THAP4: variants seen among roughly 807,000 people sequenced by gnomAD.
The protein encoded by THAP4 is THAP domain containing 4, also known as peroxynitrite isomerase THAP4.
THAP4 carries 18 observed loss-of-function variants against 48.1 expected under a neutral mutation model. The observed-to-expected ratio is 0.37, with a 90% CI of 0.26 to 0.56. The LOEUF is 0.56. THAP4 is among the 20% of genes least tolerant of loss of function. The pLI, the probability that THAP4 is intolerant of heterozygous loss-of-function variation, is 0.78. For synonymous variants in THAP4, 345 were observed against 324.9 expected, an observed-to-expected ratio of 1.06 and a Z score of -0.66; for missense variants, 656 against 774.9, an observed-to-expected ratio of 0.85 and a Z score of 1.82.
rs1294680947 is a variant in THAP4 at position 241,616,076 on chromosome 2, T to C, written c.1241-9603A>G. ...CAGTCAGGGGGCTGGCAAGGACAGG[T>C]GAGCACAGCTGGCTCCTCAGAAGAA... On this transcript the variant is annotated intron_variant, in intron 2 of 5. Transcript: ENST00000407315. The surrounding 1 kb of genome is among the most constrained non-coding windows in gnomAD (Gnocchi z 4.6). Among the ~76,000 whole-genome samples the C allele has an allele frequency of 1.3e-5, 2 of 152,146 alleles. No individual in the cohort carries two copies. Among genetic ancestry groups the C allele is most frequent in the Non-Finnish European group, 2.9e-5 (2 of 68,026 alleles).
chr2:241,623,943 C>T (rs1559232513), intron 2 of THAP4, among the ~76,000 whole-genome samples: 2 of 152,218 alleles, frequency 1.3e-5, no homozygotes, highest in Non-Finnish European at 2.9e-5. Flanking sequence ...TCCTGCACGT[C>T]AATTCAGTTC....
At chr2:241,635,705 G>A (rs1033477090) in intron 1 of THAP4, among the ~76,000 whole-genome samples, 5 of 152,060 alleles carry the variant, frequency 3.3e-5, no homozygotes, top group Admixed American at 2.6e-4. Context: ...AGGAGCGGGG[G>A]TTGCAGTGAG....
intron 2 of THAP4, among the ~76,000 whole-genome samples, chr2:241,619,645 G>A (rs2067386134): frequency 6.6e-6 from 1 of 152,264 alleles, no homozygotes; most frequent in Non-Finnish European, 1.5e-5. Context: ...AGCATGGGCA[G>A]TTGCTCTGGG....
chr2:241,588,076 AAAC>A (rs959388222), intron 5 of THAP4, among the ~76,000 whole-genome samples: 1 of 151,646 alleles, frequency 6.6e-6, no homozygotes, highest in African/African-American at 2.4e-5. Flanking sequence ...AAAAATAAAG[AAAC>A]AAACTACAGA....
chr2:241,598,971 C>A (rs1346009584), intron 5 of THAP4, among the ~76,000 whole-genome samples: 1 of 151,806 alleles, frequency 6.6e-6, no homozygotes, highest in African/African-American at 2.4e-5. Context: ...AAAGGCTATC[C>A]GGCTGGGCGC....
Position 241,601,593 on chromosome 2 carries a change from G to A in THAP4, c.1614+303C>T, listed in dbSNP as rs572536875. On this transcript the variant is annotated intron_variant, in intron 5 of 5. Coordinates refer to ENST00000407315, the MANE Select transcript of THAP4 (RefSeq NM_015963.6). This position sits in a 1 kb window ranked among gnomAD's most constrained non-coding sequence, Gnocchi z 4.0. ...TGTCCTTTGATCCAGCAATTTAACT[G>A]GGAAAAATTTATCAATAGATATGGA... 1.3e-5 allele frequency among the ~76,000 whole-genome samples: 2 copies of A among 152,150 alleles called. No individual in the cohort carries two copies. The highest frequency in any genetic ancestry group is 2.9e-5 in the Non-Finnish European group (2 of 68,014).
chr2:241,627,722 C>T (rs1210530786), intron 2 of THAP4, among the ~76,000 whole-genome samples: 1 of 152,216 alleles, frequency 6.6e-6, no homozygotes, highest in African/African-American at 2.4e-5. Flanking sequence ...AGTGCAGACC[C>T]CAGGGCCTGC....
At chr2:241,591,962 C>T (rs1375630258) in intron 5 of THAP4, 1 of 152,222 alleles carries the variant, frequency 6.6e-6, no homozygotes, top group Non-Finnish European at 1.5e-5. Context: ...ATTTGCAACA[C>T]ATTTAGCTAA....
chr2:241,588,033 AAGGG>A (rs567853797), intron 5 of THAP4, among the ~76,000 whole-genome samples: 95 of 140,048 alleles, frequency 6.8e-4, no homozygotes, highest in Middle Eastern at 3.5e-3. Context: ...GGAAGGAAGG[AAGGG>A]AGGGAGGGAG....
At chr2:241,585,280 G>A (rs546419755) in intron 5 of THAP4, among the ~76,000 whole-genome samples, 6 of 152,188 alleles carry the variant, frequency 3.9e-5, no homozygotes, top group South Asian at 4.2e-4. Context: ...GCTAAGTCCC[G>A]AATGAGTCAG....
chr2:241,586,330 GTAAGAGTTAACCAGAAACAGGC>G (rs1408492832), intron 5 of THAP4, among the ~76,000 whole-genome samples: 2 of 150,618 alleles, frequency 1.3e-5, no homozygotes, highest in African/African-American at 4.9e-5. Flanking sequence ...CATCCCAGGA[GTAAGAGTTAACCAGAAACAGGC>G]TGGGAAGTCC....
intron 2 of THAP4, among the ~76,000 whole-genome samples, chr2:241,618,421 G>A (rs1359551124): frequency 1.3e-5 from 2 of 152,132 alleles, no homozygotes; most frequent in East Asian, 3.8e-4. Context: ...TGATAAGATG[G>A]CCAATTACTA....
intron 5 of THAP4, among the ~76,000 whole-genome samples, chr2:241,594,012 A>G (rs1307491449): frequency 6.6e-6 from 1 of 152,230 alleles, no homozygotes; most frequent in East Asian, 1.9e-4. Context: ...GCCAAGATTC[A>G]GTAACGAACA....
intron 5 of THAP4, among the ~76,000 whole-genome samples, chr2:241,599,590 TA>T: frequency 6.6e-6 from 1 of 152,294 alleles, no homozygotes; most frequent in South Asian, 2.1e-4. Context: ...ATTAAAACTA[TA>T]AAGAAATAAA....
In THAP4 at chr2:241,637,051, C is replaced by T; in HGVS notation, c.-34G>A. 1 of 1,151,196 alleles carries T rather than the reference C, an allele frequency of 8.7e-7. No homozygotes were observed. Among genetic ancestry groups the T allele is most frequent in the South Asian group, 2.1e-5 (1 of 47,432 alleles). 71.3% of individuals were successfully genotyped at this position (1,151,196 alleles called of 1,614,324 possible). On this transcript the variant is annotated 5_prime_UTR_variant, in exon 1 of 6. Coordinates refer to ENST00000407315, the MANE Select transcript of THAP4 (RefSeq NM_015963.6). Reference sequence around the variant, plus strand: ...TTGGCCCAGCCGCGCAGCCAGGCCCCGGCCCTAGCCGCCCGCCCGCCCGCG... The same window carrying T: ...TTGGCCCAGCCGCGCAGCCAGGCCCTGGCCCTAGCCGCCCGCCCGCCCGCG...
Position 241,622,883 on chromosome 2 carries a change from G to A in THAP4, c.1240+10034C>T, listed in dbSNP as rs144008097. Among the ~76,000 whole-genome samples the A allele has an allele frequency of 4.1e-3, 626 of 152,236 alleles. 2 individuals carry two copies. The highest frequency in any genetic ancestry group is 0.014 in the African/African-American group (588 of 41,522). On this transcript the variant is annotated intron_variant, in intron 2 of 5. Coordinates refer to ENST00000407315, the MANE Select transcript of THAP4 (RefSeq NM_015963.6). ...CTCTCAAAGCTGAGATTACAGGTGT[G>A]AGCCACCTCACCTGGCCCTGAATAT...
intron 2 of THAP4, among the ~76,000 whole-genome samples, chr2:241,631,053 A>G (rs144813720): frequency 1.3e-5 from 2 of 152,158 alleles, no homozygotes; most frequent in Non-Finnish European, 2.9e-5. Flanking sequence ...GTGAGATGCC[A>G]TCTCAAAAAA....
At chr2:241,617,360 CAAG>C in intron 2 of THAP4, 1 of 1,326,232 alleles carries the variant, frequency 7.5e-7, no homozygotes, top group Non-Finnish European at 1.0e-6. Flanking sequence ...AAATTTCCTG[CAAG>C]AAATTTAAAT....
In THAP4 at chr2:241,637,113, C is replaced by G; in HGVS notation, c.-96G>C. 2.0e-6 allele frequency: 2 copies of G among 1,009,612 alleles called. No individual in the cohort carries two copies. Among genetic ancestry groups the G allele is most frequent in the Non-Finnish European group, 2.4e-6 (2 of 849,156 alleles). The allele number at this position is 1,009,612 out of a possible 1,614,324, so 62.5% of individuals were successfully genotyped here. ...GGGAGGGAGCGCGGCGGCGACACGG[C>G]TCGGGACGTGGGCCGGCCCGCGGCG... On this transcript the variant is annotated 5_prime_UTR_variant, in exon 1 of 6. Coordinates refer to ENST00000407315, the MANE Select transcript of THAP4 (RefSeq NM_015963.6).
Sources: allele counts gnomAD v4.1 joint callset (sites outside exome capture counted in the v4.1 genomes callset), GRCh38; gene constraint gnomAD v4.1.1; non-coding constraint Gnocchi (gnomAD v3.1); transcripts MANE v1.5; gene names NCBI Gene and HGNC (gene_info 2026-07-23, HGNC 2026-07-21).